Variants in F8 observed in about 807,000 individuals in gnomAD.
F8 encodes the protein coagulation factor VIII, also known as antihemophilic factor.
In F8, 12 loss-of-function variants were observed where a neutral mutation model predicts 140.6. That is an observed-to-expected ratio of 0.09 (90% confidence interval 0.05 to 0.14). F8 has a LOEUF of 0.14. F8 is among the 10% of genes least tolerant of loss of function. The pLI is 1.00. For synonymous variants in F8, 585 were observed against 614.6 expected (o/e 0.95, Z 0.71); for missense variants, 1,354 against 1,720.7 (o/e 0.79, Z 3.77).
chrX:154,994,353 C>T (rs1557284925), intron 3 of F8, among the ~76,000 whole-genome samples: 1 of 112,098 alleles, frequency 8.9e-6, no homozygotes, highest in Non-Finnish European at 1.9e-5. Context: ...ATGACACTAG[C>T]ACACCTGATC....
At chrX:154,981,956 C>T (rs782801329) in intron 6 of F8, among the ~76,000 whole-genome samples, 18 of 111,545 alleles carry the variant, frequency 1.6e-4, no homozygotes, top group South Asian at 3.8e-4. Flanking sequence ...GAGGCCAAGG[C>T]GGGCAGATCA....
chrX:154,919,633 A>G, intron 14 of F8: 1 of 688,004 alleles, frequency 1.5e-6, no homozygotes, highest in Non-Finnish European at 2.2e-6. Context: ...TGTCTTCAGC[A>G]TCCATTTTGA....
intron 13 of F8, among the ~76,000 whole-genome samples, chrX:154,940,326 T>A (rs1000820222): frequency 1.8e-5 from 2 of 111,730 alleles, no homozygotes; most frequent in Admixed American, 9.5e-5. Context: ...TTAAAGGACC[T>A]GATGGAGCTG....
At chrX:155,018,167 C>T (rs1569560103) in intron 1 of F8, among the ~76,000 whole-genome samples, 1 of 111,214 alleles carries the variant, frequency 9.0e-6, no homozygotes, top group Non-Finnish European at 1.9e-5. Flanking sequence ...CATACCTGGC[C>T]GATTGCTTAT....
At chrX:155,015,370 AT>A (rs1160975278) in intron 1 of F8, among the ~76,000 whole-genome samples, 1 of 112,055 alleles carries the variant, frequency 8.9e-6, no homozygotes, top group Non-Finnish European at 1.9e-5. Flanking sequence ...ACAACTATAA[AT>A]TTCCACTATT....
chrX:154,940,155 G>A (rs782715960), intron 13 of F8, among the ~76,000 whole-genome samples: 8 of 112,292 alleles, frequency 7.1e-5, no homozygotes, highest in Non-Finnish European at 1.5e-4. Context: ...ATGGAACAAA[G>A]CTGGATGGAG....
At chrX:154,841,208 CTTTTT>C (rs1168917544) in intron 25 of F8, among the ~76,000 whole-genome samples, 2 of 48,666 alleles carry the variant, frequency 4.1e-5, no homozygotes, top group East Asian at 1.3e-3. Context: ...TTGCTTTCTT[CTTTTT>C]TTTTTTTTTT....
In F8 at chrX:154,984,740, C is replaced by G. The variant is rs201315837; in HGVS notation, c.734G>C (p.Arg245Pro). 3 of 1,209,692 alleles carry G rather than the reference C, an allele frequency of 2.5e-6. No individual in the cohort carries two copies. The South Asian group carries it at 5.3e-5, about 21-fold the overall frequency. ...LMQDRDAASARAWPKMHTVNG... is the reference protein window; with the variant it reads ...LMQDRDAASAPAWPKMHTVNG... ...GACTGTGTGCATTTTAGGCCAGGCC[C>G]GAGCAGATGCAGCATCCCTATCCTG... The change falls in exon 6 of 26, where the codon CGG becomes CCG. Residue 245 changes from arginine (R) to proline (P), a missense_variant. By Grantham distance (103) the Arg-to-Pro change is moderately radical. Around this residue, in one of 4 missense-constraint regions of F8, gnomAD observed 128 missense variants for 230.4 expected, o/e 0.56. Transcript: ENST00000360256.
intron 1 of F8, among the ~76,000 whole-genome samples, chrX:155,018,031 A>ATT (rs782805561): frequency 3.1e-5 from 3 of 98,273 alleles, no homozygotes; most frequent in Non-Finnish European, 4.1e-5. Context: ...TGCCCAGCTA[A>ATT]TTTTTTTTTT....
chrX:154,966,348 G>A (rs1318036910), intron 8 of F8, 78 bp downstream of exon 8: 13 of 1,142,722 alleles, frequency 1.1e-5, no homozygotes, highest in Middle Eastern at 5.1e-4. Flanking sequence ...ATGGCTTCAG[G>A]ATTTGTTGGT....
intron 12 of F8, among the ~76,000 whole-genome samples, chrX:154,950,786 C>A (rs782451089): frequency 9.0e-6 from 1 of 111,698 alleles, no homozygotes; most frequent in Non-Finnish European, 1.9e-5. Flanking sequence ...ATATATCATC[C>A]CACCCTCTTC....
At chrX:154,851,264 G>A (rs1284319608) in intron 25 of F8, among the ~76,000 whole-genome samples, 1 of 112,487 alleles carries the variant, frequency 8.9e-6, no homozygotes, top group Non-Finnish European at 1.9e-5. Flanking sequence ...TATATGGATA[G>A]ACCACATTTT....
chrX:154,898,549 G>A (rs369526088), intron 21 of F8, among the ~76,000 whole-genome samples: 2 of 112,138 alleles, frequency 1.8e-5, no homozygotes, highest in Non-Finnish European at 3.8e-5. Context: ...TTTTGGCTCA[G>A]TCACTTATTA....
intron 9 of F8, among the ~76,000 whole-genome samples, chrX:154,963,249 TATAAGA>T (rs1262605249): frequency 2.7e-5 from 3 of 111,969 alleles, no homozygotes; most frequent in African/African-American, 9.8e-5. Flanking sequence ...GTTATTGGTG[TATAAGA>T]ATGTTTGTGA....
intron 2 of F8, among the ~76,000 whole-genome samples, chrX:154,998,262 C>T (rs1369745864): frequency 8.9e-6 from 1 of 112,882 alleles, no homozygotes; most frequent in Non-Finnish European, 1.9e-5. Flanking sequence ...TCTGACAGCC[C>T]CAGAAATCTG....
chrX:154,930,638 A>G lies in F8; in HGVS notation c.3152T>C (p.Ile1051Thr), dbSNP rs1403039288. The G allele has an allele frequency of 4.1e-6, 5 of 1,209,141 alleles. No individual in the cohort carries two copies. Among genetic ancestry groups the G allele is most frequent in the Non-Finnish European group, 5.6e-6 (5 of 894,481 alleles). Residue 1051 changes from isoleucine to threonine, a missense_variant, in exon 14 of 26, where the codon ATA becomes ACA. This residue lies in a region of F8 where 658 missense variants were observed against 666.5 expected (regional missense o/e 0.99). Coordinates refer to ENST00000360256, the MANE Select transcript of F8 (RefSeq NM_000132.4). Reference sequence around the variant, plus strand: ...TTTAAACTCAGTGTCACTTTCTAATATATTTTGCCAGACTGATGGACTATT... The same window carrying G: ...TTTAAACTCAGTGTCACTTTCTAATGTATTTTGCCAGACTGATGGACTATT... ...IENSPSVWQN[I>T]LESDTEFKKV...
intron 9 of F8, 135 bp downstream of exon 9, chrX:154,965,835 T>C (rs1023744355): frequency 6.7e-6 from 4 of 598,496 alleles, no homozygotes; most frequent in Non-Finnish European, 1.1e-5. Context: ...CAATCAGCTA[T>C]TATTTGTGTA....
At position 154,913,026 on chromosome X, in the gene F8, A is replaced by T. The variant is rs181611759; in HGVS notation, c.5220-6453T>A. ...CATGGGGATTATTTTGCCTTACATG[A>T]AATGTAAGGCAAAAATTGCCCTTGC... On this transcript the variant is annotated intron_variant, in intron 14 of 25. Transcript: ENST00000360256. Among the ~76,000 whole-genome samples, 1,103 of 110,926 alleles carry T rather than the reference A, an allele frequency of 9.9e-3. 15 individuals carry two copies. Among genetic ancestry groups the T allele is most frequent in the African/African-American group, 0.034 (1,053 of 30,547 alleles).
chrX:154,982,426 C>T (rs1324220079), intron 6 of F8, among the ~76,000 whole-genome samples: 3 of 81,593 alleles, frequency 3.7e-5, no homozygotes, highest in East Asian at 3.6e-4. Context: ...CCAGCCTGGG[C>T]GACAGCAAGA....
Sources: gnomAD v4.1 joint callset for allele counts (sites outside exome capture counted in the v4.1 genomes callset) on GRCh38, gnomAD v4.1.1 for gene constraint, gnomAD v4.1.1 regional missense constraint, MANE v1.5 for transcripts, NCBI Gene and HGNC (gene_info 2026-07-23, HGNC 2026-07-21) for gene names.